Variants in ADGRG7 observed in about 807,000 individuals in gnomAD.
ADGRG7 encodes G-protein coupled receptor 128.
ADGRG7 carries 82 observed loss-of-function variants against 88.6 expected under a neutral mutation model. The ratio of observed to expected loss-of-function variants is 0.93; its 90% CI spans 0.77 to 1.11. The LOEUF (loss-of-function observed/expected upper bound fraction) is 1.11, where lower values mean the gene tolerates loss of function less well. ADGRG7 is among the 50% of genes most tolerant of loss of function. The pLI, the probability that ADGRG7 is intolerant of heterozygous loss-of-function variation, is 0.00. For missense variants in ADGRG7, 945 were observed against 953.4 expected, an observed-to-expected ratio of 0.99 and a Z score of 0.12; for synonymous variants, 381 against 345.2, an observed-to-expected ratio of 1.10 and a Z score of -1.15.
intron 14 of ADGRG7, among the ~76,000 whole-genome samples, chr3:100,666,564 AATCGGGTTTT>A (rs1043813897): frequency 1.4e-5 from 2 of 147,712 alleles, no homozygotes; most frequent in African/African-American, 4.9e-5. Context: ...TGGACCGTAC[AATCGGGTTTT>A]ATACGGAGAC....
intron 4 of ADGRG7, among the ~76,000 whole-genome samples, chr3:100,633,967 C>T (rs1707493998): frequency 6.6e-6 from 1 of 152,116 alleles, no homozygotes. Flanking sequence ...AGATCCCTGA[C>T]ATTTGAGACC....
At position 100,694,775 on chromosome 3, in the gene ADGRG7, G is replaced by A; in HGVS notation, c.2168G>A (p.Arg723Lys). The A allele has an allele frequency of 6.2e-7, 1 of 1,614,094 alleles. No individual in the cohort carries two copies. The highest frequency in any genetic ancestry group is 8.5e-7 in the Non-Finnish European group (1 of 1,179,974). The change falls in exon 16 of 16, where the codon AGA becomes AAA. Residue 723 changes from arginine (R) to lysine (K), a missense_variant. By Grantham distance (26) the Arg-to-Lys change is conservative. Transcript: ENST00000273352. Reference protein sequence around the residue: ...GLQIFILYTVRTKVFQSEASK... With the variant: ...GLQIFILYTVKTKVFQSEASK... ...CAAATTTTTATCCTGTACACTGTTAGAACAAAAGTCTTCCAGAGTGAAGCT... is the reference window on the plus strand; with the variant it reads ...CAAATTTTTATCCTGTACACTGTTAAAACAAAAGTCTTCCAGAGTGAAGCT...
intron 14 of ADGRG7, among the ~76,000 whole-genome samples, chr3:100,666,751 T>C (rs553356266): frequency 6.6e-6 from 1 of 152,224 alleles, no homozygotes; most frequent in South Asian, 2.1e-4. Context: ...TTTCAGACTA[T>C]CACATGGGGA....
rs150063033 is a variant in ADGRG7, at chr3:100,654,023, A to G, written c.1380-812A>G. Among the ~76,000 whole-genome samples, 821 of 152,298 alleles carry G rather than the reference A, an allele frequency of 5.4e-3. 5 individuals carry two copies. The highest frequency in any genetic ancestry group is 6.8e-3 in the Middle Eastern group (2 of 294). The stretch of plus-strand genomic sequence containing the variant: ...AAAGGGAAACAGGGACTATCAGCAA[A>G]GTGAGAGTCCTGCTACTAGGCTTCC... On this transcript the variant is annotated intron_variant, in intron 11 of 15. Coordinates refer to ENST00000273352, the MANE Select transcript of ADGRG7 (RefSeq NM_032787.3).
intron 1 of ADGRG7, among the ~76,000 whole-genome samples, chr3:100,627,602 A>G (rs1332971647): frequency 2.0e-5 from 3 of 152,130 alleles, no homozygotes; most frequent in Non-Finnish European, 4.4e-5. Context: ...AAGTTTCTTC[A>G]TTTCTTTATT....
intron 1 of ADGRG7, among the ~76,000 whole-genome samples, chr3:100,615,104 C>G (rs78278013): frequency 0.016 from 2,501 of 152,280 alleles, 72 homozygotes; most frequent in African/African-American, 0.057. Flanking sequence ...GAGGAAGGAG[C>G]AGAAGCACTT....
intron 15 of ADGRG7, among the ~76,000 whole-genome samples, chr3:100,685,089 A>G (rs2094979897): frequency 6.6e-6 from 1 of 152,062 alleles, no homozygotes; most frequent in African/African-American, 2.4e-5. Context: ...TTTATATTGG[A>G]ATGTCCTGTT....
intron 1 of ADGRG7, among the ~76,000 whole-genome samples, chr3:100,624,847 G>A (rs1219388948): frequency 6.6e-6 from 1 of 152,092 alleles, no homozygotes; most frequent in East Asian, 1.9e-4. Context: ...GATGTTTGTA[G>A]ATGTGTGGTG....
rs568881605 is a variant in ADGRG7, at chr3:100,682,042, T to A, written c.2137-12702T>A. 8.5e-5 allele frequency among the ~76,000 whole-genome samples: 13 copies of A among 152,308 alleles called. No homozygotes were observed. The South Asian group carries it at 2.5e-3, about 29-fold the overall frequency. On this transcript the variant is annotated intron_variant, in intron 15 of 15. Transcript: ENST00000273352. ...TCCTAATGATGCCAGCGGCAGCCCA[T>A]CTGAAGTGGCCGCTGCCATGGCTCC...
intron 15 of ADGRG7, among the ~76,000 whole-genome samples, chr3:100,687,156 T>C (rs2094984192): frequency 6.6e-6 from 1 of 152,206 alleles, no homozygotes. Context: ...TGAATGGGAG[T>C]TCACTCATGA....
intron 14 of ADGRG7, chr3:100,665,119 T>C: frequency 1.9e-6 from 1 of 527,516 alleles, no homozygotes; most frequent in East Asian, 5.4e-5. Context: ...TTATTTCAAA[T>C]ATCTTGGTTA....
intron 6 of ADGRG7, 28 bp from the exon 7 acceptor site, chr3:100,643,238 G>T (rs1707675329): frequency 6.3e-7 from 1 of 1,599,160 alleles, no homozygotes; most frequent in Non-Finnish European, 8.5e-7. Flanking sequence ...AAAATCTTGA[G>T]TATTAAATTG....
At chr3:100,622,835 C>T (rs1161641591) in intron 1 of ADGRG7, among the ~76,000 whole-genome samples, 3 of 151,890 alleles carry the variant, frequency 2.0e-5, no homozygotes, top group South Asian at 2.1e-4. Flanking sequence ...GATCTTGGCT[C>T]ACTGCAACTT....
chr3:100,683,804 C>G (rs1001640552), intron 15 of ADGRG7, among the ~76,000 whole-genome samples: 10 of 152,206 alleles, frequency 6.6e-5, no homozygotes, highest in African/African-American at 2.2e-4. Flanking sequence ...TTTGAAGGTG[C>G]TTGTTATCTT....
chr3:100,653,650 A>G (rs2094932834), intron 11 of ADGRG7, among the ~76,000 whole-genome samples: 1 of 152,100 alleles, frequency 6.6e-6, no homozygotes, highest in Non-Finnish European at 1.5e-5. Context: ...GTCTGGGTTC[A>G]GCTGGGTAAT....
intron 15 of ADGRG7, among the ~76,000 whole-genome samples, chr3:100,676,624 A>C (rs1287551732): frequency 1.3e-5 from 2 of 152,090 alleles, no homozygotes; most frequent in African/African-American, 4.8e-5. Flanking sequence ...CATTTAGTAT[A>C]TAGTGCAGAG....
At chr3:100,648,370 T>G (rs1482736525) in intron 10 of ADGRG7, among the ~76,000 whole-genome samples, 1 of 152,160 alleles carries the variant, frequency 6.6e-6, no homozygotes, top group East Asian at 1.9e-4. Context: ...TCTGAAGACC[T>G]ATGAATCTTA....
In ADGRG7 at chr3:100,677,573, G is replaced by A. The variant is rs1217692402; in HGVS notation, c.2136+8468G>A. On this transcript the variant is annotated intron_variant, in intron 15 of 15. Coordinates refer to ENST00000273352, the MANE Select transcript of ADGRG7 (RefSeq NM_032787.3). ...CTTATTGCTTATTTTCTTTCAGATC[G>A]AAGAACTCCTTTTAGCATTTCTTGT... is the stretch of plus-strand genomic sequence containing the variant. 2.0e-5 allele frequency among the ~76,000 whole-genome samples: 3 copies of A among 151,998 alleles called. No individual in the cohort carries two copies. In the East Asian group the frequency reaches 5.8e-4, roughly 29 times the overall value.
At chr3:100,659,880 G>C in intron 14 of ADGRG7, 37 bp downstream of exon 14, 1 of 1,600,894 alleles carries the variant, frequency 6.2e-7, no homozygotes, top group Non-Finnish European at 8.5e-7. Context: ...GCCAGGCAAG[G>C]CTCATCCAGC....
Sources: gnomAD v4.1 joint callset for allele counts (sites outside exome capture counted in the v4.1 genomes callset) on GRCh38, gnomAD v4.1.1 for gene constraint, MANE v1.5 for transcripts, NCBI Gene and HGNC (gene_info 2026-07-23, HGNC 2026-07-21) for gene names.